Variants in DYSF observed in about 807,000 individuals in gnomAD.
DYSF encodes dystrophy-associated fer-1-like 1.
A neutral mutation model predicts 274.9 loss-of-function variants in DYSF; 212 were observed. The ratio of observed to expected loss-of-function variants is 0.77; its 90% confidence interval spans 0.69 to 0.86. The LOEUF is 0.86. DYSF is among the 40% of genes least tolerant of loss of function. DYSF has a pLI of 0.00. For missense variants in DYSF, 2,666 were observed against 2,783.2 expected (o/e 0.96, Z 0.95); for synonymous variants, 1,091 against 1,078.7 (o/e 1.01, Z -0.22).
intron 1 of DYSF, among the ~76,000 whole-genome samples, chr2:71,478,892 A>C (rs1241941249): frequency 6.6e-6 from 1 of 150,724 alleles, no homozygotes; most frequent in African/African-American, 2.4e-5. Flanking sequence ...TGCCTCCTTG[A>C]TCCCTCTCTG....
chr2:71,515,032 C>G (rs1203009063), intron 7 of DYSF, among the ~76,000 whole-genome samples: 1 of 151,060 alleles, frequency 6.6e-6, no homozygotes, highest in African/African-American at 2.4e-5. Flanking sequence ...CAGTAAATAT[C>G]TTATTTTTTT....
chr2:71,555,838 T>C (rs2152795735), intron 21 of DYSF, 127 bp from the exon 22 acceptor site: 1 of 777,192 alleles, frequency 1.3e-6, no homozygotes, highest in East Asian at 2.7e-5. Flanking sequence ...GCCTGGACTC[T>C]GCCTTCTTTG....
intron 51 of DYSF, among the ~76,000 whole-genome samples, chr2:71,672,355 C>T (rs144493373): frequency 1.5e-3 from 226 of 152,304 alleles, no homozygotes; most frequent in African/African-American, 5.2e-3. Context: ...TGCACAGCCT[C>T]TGGGCTCCCT....
Position 71,473,918 on chromosome 2 carries a change from A to ATTT in DYSF, c.92-6942_92-6940dup, listed in dbSNP as rs10659171. On this transcript the variant is annotated intron_variant, in intron 1 of 55. Coordinates refer to ENST00000410020, the MANE Select transcript of DYSF (RefSeq NM_001130987.2). The stretch of plus-strand genomic sequence containing the variant: ...TAATTGCAGTTCTACTTTCTGTATG[A>ATTT]TTTTTTTTTTTTTTTTTTTTTTTTT... 9.2e-3 allele frequency among the ~76,000 whole-genome samples: 771 copies of ATTT among 83,790 alleles called. 45 individuals carry two copies. The highest frequency in any genetic ancestry group is 0.034 in the African/African-American group (596 of 17,540). 55.0% of individuals were successfully genotyped at this position (83,790 alleles called of 152,430 possible).
At chr2:71,674,439 T>C (rs1026950762) in intron 52 of DYSF, 143 bp downstream of exon 52, 20 of 784,178 alleles carry the variant, frequency 2.6e-5, no homozygotes, top group Non-Finnish European at 4.4e-5. Context: ...CTCAGGGTCA[T>C]GTGTCCCCAG....
At chr2:71,514,858 C>A (rs13411104) in intron 7 of DYSF, among the ~76,000 whole-genome samples, 14,697 of 151,996 alleles carry the variant, frequency 0.097, 751 homozygotes, top group African/African-American at 0.13. Flanking sequence ...TATGGAAATA[C>A]CATATGTTTA....
In DYSF at chr2:71,470,164, C is replaced by T. The variant is rs549576919; in HGVS notation, c.91+3231C>T. The stretch of plus-strand genomic sequence containing the variant: ...TTCCCTCTCTCTCATCCTGTCAGGG[C>T]GTCTCCTCCTCCAGCCTCCCCCTCC... On this transcript the variant is annotated intron_variant, in intron 1 of 55. Transcript: ENST00000410020. 2.0e-5 allele frequency among the ~76,000 whole-genome samples: 3 copies of T among 152,292 alleles called. No individual in the cohort carries two copies. The East Asian group carries it at 5.8e-4, about 29-fold the overall frequency.
At chr2:71,455,197 G>T (rs1485574620) in intron 1 of DYSF, among the ~76,000 whole-genome samples, 1 of 152,198 alleles carries the variant, frequency 6.6e-6, no homozygotes, top group Non-Finnish European at 1.5e-5. Context: ...CACCTGTGAT[G>T]TTCCAAGGAA....
intron 32 of DYSF, among the ~76,000 whole-genome samples, chr2:71,593,541 A>T (rs1384754957): frequency 1.3e-5 from 2 of 152,242 alleles, no homozygotes; most frequent in African/African-American, 4.8e-5. Flanking sequence ...GAGAGGACTT[A>T]GAACACGTCA....
chr2:71,553,596 C>T (rs1453583263), intron 20 of DYSF, among the ~76,000 whole-genome samples: 1 of 152,216 alleles, frequency 6.6e-6, no homozygotes, highest in Non-Finnish European at 1.5e-5. Flanking sequence ...TCTTCAGACA[C>T]TAGGGAACAC....
At chr2:71,671,398 C>G (rs1441554431) in intron 51 of DYSF, among the ~76,000 whole-genome samples, 3 of 152,254 alleles carry the variant, frequency 2.0e-5, no homozygotes, top group Non-Finnish European at 4.4e-5. Context: ...CTGCCCCAGC[C>G]AGCTCTGCTG....
At chr2:71,550,927 T>G (rs1417616902) in intron 17 of DYSF, 114 bp from the exon 18 acceptor site, 1 of 827,102 alleles carries the variant, frequency 1.2e-6, no homozygotes, top group Non-Finnish European at 2.1e-6. Flanking sequence ...CTGCATCTGG[T>G]GCATGTGGGG....
intron 36 of DYSF, 72 bp downstream of exon 36, chr2:71,602,877 A>ACCTGGAGCCTTCCAGGTT: frequency 6.4e-7 from 1 of 1,573,292 alleles, no homozygotes; most frequent in Non-Finnish European, 8.7e-7. Flanking sequence ...TCAAGCACAC[A>ACCTGGAGCCTTCCAGGTT]CCTGGAGCCT....
chr2:71,654,604 G>A (rs762342229), intron 42 of DYSF, among the ~76,000 whole-genome samples: 26 of 150,170 alleles, frequency 1.7e-4, no homozygotes, highest in Non-Finnish European at 3.1e-4. Context: ...GCAACATAGC[G>A]AGACTCCATC....
chr2:71,543,723 G>A lies in DYSF; in HGVS notation c.1576+4484G>A, dbSNP rs565376176. 9.7e-3 allele frequency among the ~76,000 whole-genome samples: 1,483 copies of A among 152,314 alleles called. 24 individuals are homozygous for A. Among genetic ancestry groups the A allele is most frequent in the African/African-American group, 0.034 (1,421 of 41,572 alleles). On this transcript the variant is annotated intron_variant, in intron 17 of 55. Coordinates refer to ENST00000410020, the MANE Select transcript of DYSF (RefSeq NM_001130987.2). ...AAAAAAATACGAAAACCAGTCAGGCGTGGCGGCGCGCGCCTGCAATCGCAG... is the reference window on the plus strand; with the variant it reads ...AAAAAAATACGAAAACCAGTCAGGCATGGCGGCGCGCGCCTGCAATCGCAG...
intron 51 of DYSF, among the ~76,000 whole-genome samples, chr2:71,671,033 G>C (rs1464408606): frequency 6.6e-6 from 1 of 152,110 alleles, no homozygotes; most frequent in Non-Finnish European, 1.5e-5. Flanking sequence ...TATATGACGC[G>C]TTCCAGTGCC....
intron 43 of DYSF, among the ~76,000 whole-genome samples, chr2:71,657,940 A>G (rs537980825): frequency 1.3e-5 from 2 of 152,308 alleles, no homozygotes; most frequent in East Asian, 1.9e-4. Flanking sequence ...GCTCCTTGCT[A>G]CTTATGCAAA....
intron 1 of DYSF, among the ~76,000 whole-genome samples, chr2:71,478,832 T>TC (rs1558958228): frequency 3.6e-4 from 54 of 151,850 alleles, no homozygotes; most frequent in African/African-American, 1.1e-3. Context: ...CGTGCTCTCT[T>TC]TCTCTTTTTT....
intron 14 of DYSF, among the ~76,000 whole-genome samples, chr2:71,531,591 G>A (rs927911374): frequency 1.3e-5 from 2 of 151,708 alleles, no homozygotes; most frequent in Non-Finnish European, 2.9e-5. Context: ...CACAGGACAC[G>A]TATCAAAGGA....
Sources: allele counts gnomAD v4.1 joint callset (sites outside exome capture counted in the v4.1 genomes callset), GRCh38; gene constraint gnomAD v4.1.1; transcripts MANE v1.5; gene names NCBI Gene and HGNC (gene_info 2026-07-23, HGNC 2026-07-21).